Variants in TBCD observed in about 807,000 individuals in gnomAD.
TBCD encodes tubulin folding cofactor D.
A neutral mutation model predicts 169.3 loss-of-function variants in TBCD; 105 were observed. That is an observed-to-expected ratio of 0.62 (90% CI 0.53 to 0.73). The LOEUF is 0.73. TBCD is among the 30% of genes least tolerant of loss of function. TBCD has a pLI of 0.00. For synonymous variants in TBCD, 700 were observed against 643.9 expected (o/e 1.09, Z -1.32); for missense variants, 1,444 against 1,600.1 (o/e 0.90, Z 1.66).
At chr17:82,892,854 G>A (rs961661499) in intron 16 of TBCD, among the ~76,000 whole-genome samples, 1 of 152,206 alleles carries the variant, frequency 6.6e-6, no homozygotes, top group Non-Finnish European at 1.5e-5. Context: ...AGTGGTATCA[G>A]TAACACCATG....
intron 13 of TBCD, chr17:82,830,694 G>C (rs776087579): frequency 6.2e-7 from 1 of 1,614,164 alleles, no homozygotes; most frequent in Admixed American, 1.7e-5. Flanking sequence ...AGAAGCTGGC[G>C]GTTTCCGCCT....
chr17:82,781,591 T>G lies in TBCD; in HGVS notation c.641T>G (p.Phe214Cys). Reference protein sequence around the residue: ...RDAAAVLVSRFITRPDVKQSK... With the variant: ...RDAAAVLVSRCITRPDVKQSK... ...GTTGAGCTGTATCCTTTTGGCAGAT[T>G]TATCACACGTCCTGATGTCAAGCAA... The change falls in exon 7 of 39, where the codon TTT becomes TGT. Residue 214 changes from phenylalanine to cysteine, a missense_variant and splice_region_variant. By Grantham distance (205) the Phe-to-Cys change is radical. Coordinates refer to ENST00000355528, the MANE Select transcript of TBCD (RefSeq NM_005993.5). 6.2e-7 allele frequency: 1 copy of G among 1,613,540 alleles called. No homozygotes were observed. Among genetic ancestry groups the G allele is most frequent in the Middle Eastern group, 1.6e-4 (1 of 6,062 alleles).
intron 14 of TBCD, among the ~76,000 whole-genome samples, chr17:82,879,059 C>CTTTTTTTTTTTTTTTTTTTTTT (rs58480407): frequency 8.8e-6 from 1 of 113,992 alleles, no homozygotes; most frequent in Non-Finnish European, 1.8e-5. Context: ...AGATCCTGTT[C>CTTTTTTTTTTTTTTTTTTTTTT]TTTTTTTTTT....
intron 7 of TBCD, among the ~76,000 whole-genome samples, chr17:82,793,270 G>A (rs182772089): frequency 6.6e-6 from 1 of 152,170 alleles, no homozygotes; most frequent in East Asian, 1.9e-4. Flanking sequence ...CATTTTGCTC[G>A]CTCCTGGGGG....
chr17:82,903,632 T>C lies in TBCD; in HGVS notation c.1804+154T>C, dbSNP rs1324975278. Among the ~76,000 whole-genome samples, 3 of 152,200 alleles carry C rather than the reference T, an allele frequency of 2.0e-5. No individual in the cohort carries two copies. Among genetic ancestry groups the C allele is most frequent in the Non-Finnish European group, 4.4e-5 (3 of 68,020 alleles). On this transcript the variant is annotated intron_variant, in intron 19 of 38. Transcript: ENST00000355528. The surrounding 1 kb of genome is among the most constrained non-coding windows in gnomAD (Gnocchi z 4.8). Reference sequence around the variant, plus strand: ...AAGAGCTGTGGACTTGATCAGTGGATAGGCTGTGAGGACGGATGCGGTGAG... The same window carrying C: ...AAGAGCTGTGGACTTGATCAGTGGACAGGCTGTGAGGACGGATGCGGTGAG...
Position 82,935,847 on chromosome 17 carries a change from C to T in TBCD, c.3192-1424C>T, listed in dbSNP as rs146466774. On this transcript the variant is annotated intron_variant, in intron 34 of 38. Coordinates refer to ENST00000355528, the MANE Select transcript of TBCD (RefSeq NM_005993.5). The stretch of plus-strand genomic sequence containing the variant: ...TCACTTACTGCTTTTGGGACCCCCC[C>T]CATCGGGGTTCACATTCCCTCTCCC... Among the ~76,000 whole-genome samples the T allele has an allele frequency of 7.9e-3, 1,205 of 152,354 alleles. 9 individuals carry two copies. Among genetic ancestry groups the T allele is most frequent in the South Asian group, 0.015 (73 of 4,830 alleles).
rs1012642778 is a variant in TBCD, at chr17:82,836,697, A to C, written c.1318+21763A>C. Among the ~76,000 whole-genome samples, 4 of 143,264 alleles carry C rather than the reference A, an allele frequency of 2.8e-5. No individual in the cohort carries two copies. In the South Asian group the frequency reaches 6.2e-4, roughly 22 times the overall value. The allele number at this position is 143,264 out of a possible 152,430, so 94.0% of individuals were successfully genotyped here. ...GCTGATACTTTTAGGCAAAAAAAAA[A>C]ACAAAACAAAACAAAACCAAAAAAC... On this transcript the variant is annotated intron_variant, in intron 13 of 38. Transcript: ENST00000355528.
intron 14 of TBCD, 77 bp downstream of exon 14, chr17:82,870,457 T>C: frequency 6.6e-7 from 1 of 1,522,704 alleles, no homozygotes; most frequent in South Asian, 1.2e-5. Context: ...CCATGAGAGG[T>C]GTGCACAGCA....
chr17:82,834,676 A>G (rs1442084073), intron 13 of TBCD, among the ~76,000 whole-genome samples: 1 of 147,010 alleles, frequency 6.8e-6, no homozygotes, highest in South Asian at 2.3e-4. Flanking sequence ...GTGAAAACAC[A>G]TGGACACAGG....
intron 7 of TBCD, 25 bp from the exon 8 acceptor site, chr17:82,797,729 CATT>C: frequency 7.2e-7 from 1 of 1,393,258 alleles, no homozygotes. Context: ...GTATTTGTAA[CATT>C]AAAAATCTTT....
intron 20 of TBCD, among the ~76,000 whole-genome samples, chr17:82,907,138 C>T (rs933463914): frequency 6.6e-6 from 1 of 152,260 alleles, no homozygotes; most frequent in Non-Finnish European, 1.5e-5. Context: ...CAGGTGCCAG[C>T]GTAAAGCACA....
At chr17:82,830,842 G>T (rs887711173) in intron 13 of TBCD, 17 of 1,613,134 alleles carry the variant, frequency 1.1e-5, no homozygotes, top group Non-Finnish European at 1.4e-5. Context: ...GGCGCTTCCG[G>T]TCGGAGCAGG....
chr17:82,893,664 ATACTC>A lies in TBCD; in HGVS notation c.1649+35_1649+39del, dbSNP rs759932862. On this transcript the variant is annotated intron_variant, in intron 17 of 38. Transcript: ENST00000355528. Reference sequence around the variant, plus strand: ...CTTTAATGTATATCACAAAAATAGAATACTCTAAAATCAGATTGGATGTCAGAAAT... The same window carrying A: ...CTTTAATGTATATCACAAAAATAGAATAAAATCAGATTGGATGTCAGAAAT... The A allele has an allele frequency of 2.7e-6, 4 of 1,470,602 alleles. No individual in the cohort carries two copies. The Admixed American group carries it at 6.5e-5, about 24-fold the overall frequency. 91.1% of individuals were successfully genotyped at this position (1,470,602 alleles called of 1,614,324 possible). A position where few individuals can be genotyped will look rare whatever the true frequency, so the allele number is the denominator to read the frequency against.
In TBCD at chr17:82,884,470, G is replaced by A. The variant is rs977749972; in HGVS notation, c.1533+268G>A. 1.2e-4 allele frequency among the ~76,000 whole-genome samples: 18 copies of A among 152,246 alleles called. No homozygotes were observed. Among genetic ancestry groups the A allele is most frequent in the African/African-American group, 4.3e-4 (18 of 41,462 alleles). On this transcript the variant is annotated intron_variant, in intron 15 of 38. Coordinates refer to ENST00000355528, the MANE Select transcript of TBCD (RefSeq NM_005993.5). This position sits in a 1 kb window ranked among gnomAD's most constrained non-coding sequence, Gnocchi z 4.2. Reference sequence around the variant, plus strand: ...TGATGGGTGATGGAGGCGAGTGGGAGGTGCCCGATGACAGGTCTTGGTGCA... The same window carrying A: ...TGATGGGTGATGGAGGCGAGTGGGAAGTGCCCGATGACAGGTCTTGGTGCA...
chr17:82,849,646 CTCG>C, intron 13 of TBCD, among the ~76,000 whole-genome samples: 1 of 152,204 alleles, frequency 6.6e-6, no homozygotes, highest in Non-Finnish European at 1.5e-5. Context: ...ACTGAGAATC[CTCG>C]TGGTCGCCCC....
chr17:82,876,909 T>C (rs181661793), intron 14 of TBCD: 1 of 976,752 alleles, frequency 1.0e-6, no homozygotes, highest in East Asian at 1.1e-4. Context: ...TCTCCTGCTG[T>C]CAGCCGGTCT....
chr17:82,911,188 C>A (rs2060615364), intron 22 of TBCD, among the ~76,000 whole-genome samples: 1 of 152,186 alleles, frequency 6.6e-6, no homozygotes, highest in Admixed American at 6.5e-5. Flanking sequence ...GCATTCTGTC[C>A]AGTTTTCTAC....
intron 13 of TBCD, among the ~76,000 whole-genome samples, chr17:82,826,326 G>T (rs1409719897): frequency 6.6e-6 from 1 of 151,856 alleles, no homozygotes; most frequent in East Asian, 1.9e-4. Context: ...GTACAGAGTT[G>T]ACCAAAACAA....
chr17:82,770,169 C>T (rs2048231906), intron 5 of TBCD, among the ~76,000 whole-genome samples: 1 of 152,204 alleles, frequency 6.6e-6, no homozygotes, highest in South Asian at 2.1e-4. Context: ...CTCAGCAACA[C>T]GTTCTTAGTG....
Sources: gnomAD v4.1 joint callset for allele counts (sites outside exome capture counted in the v4.1 genomes callset) on GRCh38, gnomAD v4.1.1 for gene constraint, Gnocchi (gnomAD v3.1) non-coding constraint, MANE v1.5 for transcripts, NCBI Gene and HGNC (gene_info 2026-07-23, HGNC 2026-07-21) for gene names.